The following LMF2 variants were observed in gnomAD, a reference collection of about 807,000 sequenced individuals.
LMF2 encodes the protein transmembrane protein 112B.
In LMF2, 113 loss-of-function variants were observed where a neutral mutation model predicts 81.5. The ratio of observed to expected loss-of-function variants is 1.39; its 90% CI spans 1.19 to 1.62. LMF2 has a LOEUF of 1.62. LMF2 is among the 40% of genes most tolerant of loss of function. The probability of loss-of-function intolerance (pLI) is 0.00; values close to 1 mark genes in which losing one functional copy is unlikely to be tolerated. For missense variants in LMF2, 1,235 were observed against 929.1 expected (o/e 1.33, Z -4.28); for synonymous variants, 645 against 424.5 (o/e 1.52, Z -6.39).
At chr22:50,507,497 G>T (rs1193432412) in intron 1 of LMF2, 85 bp downstream of exon 1, 1 of 1,101,300 alleles carries the variant, frequency 9.1e-7, no homozygotes. Flanking sequence ...TCCCAACCCC[G>T]GACTGCGTGA....
Position 50,503,504 on chromosome 22 carries a change from C to T in LMF2, c.2011G>A (p.Gly671Arg), listed in dbSNP as rs547937790. Reference protein sequence around the residue: ...LRSSPLAPVSGEKRRPASQKD... With the variant: ...LRSSPLAPVSREKRRPASQKD... The stretch of plus-strand genomic sequence containing the variant: ...TGGGAGGCTGGCCTGCGCTTCTCCC[C>T]GCTGACTGGTGCCAGCGGGGAGGAC... The change falls in exon 14 of 14, where the codon GGG becomes AGG. Residue 671 changes from glycine to arginine, a missense_variant. By Grantham distance (125) the Gly-to-Arg change is moderately radical. Transcript: ENST00000474879. The T allele has an allele frequency of 1.0e-5, 16 of 1,582,266 alleles. No individual in the cohort carries two copies. Among genetic ancestry groups the T allele is most frequent in the East Asian group, 4.5e-5 (2 of 44,372 alleles).
rs1020643481 is a variant in LMF2, at chr22:50,506,921, A to C, written c.209T>G (p.Leu70Arg). The C allele has an allele frequency of 2.5e-6, 4 of 1,581,726 alleles. No individual in the cohort carries two copies. In the African/African-American group the frequency reaches 4.0e-5, roughly 16 times the overall value. ...TPTLLWEAPR[L>R]GLDTAQGLEL... The stretch of plus-strand genomic sequence containing the variant: ...CAGGCCCTGGGCCGTGTCCAGCCCC[A>C]GTCTCGGCGCTTCCCACAGCAGCGT... Residue 70 changes from leucine (L) to arginine (R), a missense_variant, in exon 2 of 14, where the codon CTG becomes CGG. By Grantham distance (102) the Leu-to-Arg change is moderately radical (BLOSUM62 -2). Coordinates refer to ENST00000474879, the MANE Select transcript of LMF2 (RefSeq NM_033200.3).
rs1603439227 is a variant in LMF2, at chr22:50,504,691, G to A, written c.1474C>T (p.Arg492Trp). The change falls in exon 11 of 14, where the codon CGG becomes TGG. Residue 492 changes from arginine to tryptophan, a missense_variant. Transcript: ENST00000474879. ...TGGGGCACCACAACCGGGGGCGGCC[G>A]GCTCAGGTTCCCAGGCTTGTACATG... ...EFMYKPGNLS[R>W]PPPVVVPHQP... The A allele has an allele frequency of 1.9e-6, 3 of 1,609,746 alleles. No homozygotes were observed. Among genetic ancestry groups the A allele is most frequent in the Non-Finnish European group, 2.5e-6 (3 of 1,179,388 alleles).
chr22:50,503,536 G>C lies in LMF2; in HGVS notation c.1979C>G (p.Ser660Cys), dbSNP rs548311167. The stretch of plus-strand genomic sequence containing the variant: ...TGGTGCCAGCGGGGAGGACCGGAGA[G>C]AACAGGGTGCTAGCAGGGCTTGCAC... The part of the protein sequence containing the change: ...RFVQALLAPC[S>C]LRSSPLAPVS... Residue 660 changes from serine (S) to cysteine (C), a missense_variant, in exon 14 of 14, where the codon TCT (serine) becomes TGT (cysteine). Transcript: ENST00000474879. 4 of 1,567,556 alleles carry C rather than the reference G, an allele frequency of 2.6e-6. No individual in the cohort carries two copies. In the South Asian group the frequency reaches 4.7e-5, roughly 18 times the overall value.
Position 50,503,448 on chromosome 22 carries a change from G to A in LMF2, c.2067C>T (p.Ala689=). The A allele has an allele frequency of 6.2e-7, 1 of 1,603,996 alleles. No homozygotes were observed. ...QKDSGAASEQ[A]TAAPNPCSSS... is the part of the protein sequence containing the mutation. ...TGGAGCAGGGGTTGGGGGCTGCGGTGGCCTGTTCGGAGGCAGCTCCGGAGT... is the reference window on the plus strand; with the variant it reads ...TGGAGCAGGGGTTGGGGGCTGCGGTAGCCTGTTCGGAGGCAGCTCCGGAGT... The change falls in exon 14 of 14, where the codon GCC becomes GCT. Residue 689 remains alanine (A), a synonymous_variant. Transcript: ENST00000474879.
chr22:50,503,777 A>C, intron 13 of LMF2, 31 bp downstream of exon 13: 1 of 1,595,506 alleles, frequency 6.3e-7, no homozygotes, highest in Non-Finnish European at 8.5e-7. Context: ...CACCCCTGCC[A>C]CCTCCCCCAG....
At chr22:50,503,727 T>TG (rs780147805) in intron 13 of LMF2, 28 bp from the exon 14 acceptor site, 13 of 1,544,162 alleles carry the variant, frequency 8.4e-6, no homozygotes. Context: ...GGAGGGAGGT[T>TG]GGGGAAGTGC....
At chr22:50,507,246 G>T in intron 1 of LMF2, 1 of 755,934 alleles carries the variant, frequency 1.3e-6, no homozygotes, top group Non-Finnish European at 2.1e-6. Context: ...AACTACCTGA[G>T]TCAGGGCCTC....
At position 50,507,583 on chromosome 22, in the gene LMF2, T is replaced by C; in HGVS notation, c.93A>G (p.Pro31=). 1.3e-6 allele frequency: 2 copies of C among 1,560,050 alleles called. No homozygotes were observed. The highest frequency in any genetic ancestry group is 1.7e-6 in the Non-Finnish European group (2 of 1,152,202). The part of the protein sequence containing the change: ...FAFASLYTQI[P]GLYGPEGILP... ...GTGTCCCACCCTGGGTGCCTTCACC[T>C]GGGATTTGCGTGTAGAGGGAAGCGA... Residue 31 remains proline, a splice_region_variant and synonymous_variant, in exon 1 of 14, where the codon CCA becomes CCG. Transcript: ENST00000474879.
At position 50,506,456 on chromosome 22, in the gene LMF2, G is replaced by A. The variant is rs1317557506; in HGVS notation, c.424C>T (p.Pro142Ser). The change falls in exon 4 of 14, where the codon CCG (proline) becomes TCG (serine). Residue 142 changes from proline to serine, a missense_variant. Pro to Ser is a moderately conservative substitution (Grantham distance 74). Transcript: ENST00000474879. ...ETGFLAVLVA[P>S]LRPASHRKEA... Reference sequence around the variant, plus strand: ...TTGCGGTGGGAGGCTGGCCTCAGCGGGGCCACCAGCACGGCCAGGAAGCCA... The same window carrying A: ...TTGCGGTGGGAGGCTGGCCTCAGCGAGGCCACCAGCACGGCCAGGAAGCCA... The A allele has an allele frequency of 1.2e-5, 18 of 1,551,570 alleles. No individual in the cohort carries two copies. Among genetic ancestry groups the A allele is most frequent in the Non-Finnish European group, 1.5e-5 (17 of 1,149,462 alleles).
intron 1 of LMF2, 59 bp downstream of exon 1, chr22:50,507,518 CAGAGA>C (rs2068627048): frequency 7.2e-6 from 9 of 1,254,990 alleles, no homozygotes; most frequent in Non-Finnish European, 9.1e-6. Flanking sequence ...GTGCCGGGCA[CAGAGA>C]AAAGAGGACA....
At chr22:50,506,005 C>T (rs768066612) in intron 5 of LMF2, 30 bp downstream of exon 5, 3 of 1,568,952 alleles carry the variant, frequency 1.9e-6, no homozygotes, top group African/African-American at 1.4e-5. Flanking sequence ...CCCTGTCTGC[C>T]TCTCTCTGAC....
intron 12 of LMF2, 23 bp from the exon 13 acceptor site, chr22:50,503,927 G>A (rs1412317516): frequency 3.1e-6 from 5 of 1,599,572 alleles, no homozygotes; most frequent in East Asian, 2.2e-5. Context: ...CCGATGTTCA[G>A]AAGCTGGAGG....
At position 50,504,967 on chromosome 22, in the gene LMF2, C is replaced by T. The variant is rs761824041; in HGVS notation, c.1272G>A (p.Val424=). 2 of 1,609,358 alleles carry T rather than the reference C, an allele frequency of 1.2e-6. No individual in the cohort carries two copies. Among genetic ancestry groups the T allele is most frequent in the South Asian group, 2.2e-5 (2 of 90,994 alleles). ...FLISLVPYSY[V]EPGTHGRLWT... ...AGAGGCGCCCGTGGGTCCCGGGCTC[C>T]ACGTAGGAGTACGGCACCTGGAGAC... The change falls in exon 10 of 14, where the codon GTG becomes GTA. Residue 424 remains valine, a synonymous_variant. Transcript: ENST00000474879.
Position 50,503,638 on chromosome 22 carries a change from G to C in LMF2, c.1877C>G (p.Thr626Ser). 2 of 1,590,264 alleles carry C rather than the reference G, an allele frequency of 1.3e-6. No homozygotes were observed. Among genetic ancestry groups the C allele is most frequent in the Middle Eastern group, 3.5e-4 (2 of 5,734 alleles). Residue 626 changes from threonine to serine, a missense_variant, in exon 14 of 14, where the codon ACT becomes AGT. Thr to Ser is a moderately conservative substitution (Grantham distance 58). Coordinates refer to ENST00000474879, the MANE Select transcript of LMF2 (RefSeq NM_033200.3). ...CTCCAGGGGAGACAGCTGAGAGCGA[G>C]TCCAGTGGAGGGCCTGGGCCAGGGT... ...NSTLAQALHW[T>S]RSQLSPLEAP...
Position 50,507,576 on chromosome 22 carries a change from C to T in LMF2, c.94+6G>A, listed in dbSNP as rs751969911. The T allele has an allele frequency of 2.6e-6, 4 of 1,556,092 alleles. No individual in the cohort carries two copies. The highest frequency in any genetic ancestry group is 1.2e-5 in the South Asian group (1 of 84,616). ...GCTGGGGGTGTCCCACCCTGGGTGCCTTCACCTGGGATTTGCGTGTAGAGG... is the reference window on the plus strand; with the variant it reads ...GCTGGGGGTGTCCCACCCTGGGTGCTTTCACCTGGGATTTGCGTGTAGAGG... On this transcript the variant is annotated splice_donor_region_variant and intron_variant, in intron 1 of 13. Coordinates refer to ENST00000474879, the MANE Select transcript of LMF2 (RefSeq NM_033200.3).
At chr22:50,505,837 T>A in intron 5 of LMF2, 22 bp from the exon 6 acceptor site, 1 of 1,611,944 alleles carries the variant, frequency 6.2e-7, no homozygotes, top group South Asian at 1.1e-5. Flanking sequence ...CCGCTCTCAG[T>A]GCTCCCGGAG....
chr22:50,506,073 G>A lies in LMF2; in HGVS notation c.736C>T (p.Pro246Ser). ...GCAGCCAAGCGCAGGCGTCGAATGG[G>A]GGCGAAGAACAGGGGCGGCACAGCG... Reference protein sequence around the residue: ...EIAVPPLFFAPIRRLRLAAFY... With the variant: ...EIAVPPLFFASIRRLRLAAFY... The change falls in exon 5 of 14, where the codon CCC (proline) becomes TCC (serine). Residue 246 changes from proline (P) to serine (S), a missense_variant. Transcript: ENST00000474879. 1 of 1,592,346 alleles carries A rather than the reference G, an allele frequency of 6.3e-7. No individual in the cohort carries two copies. Among genetic ancestry groups the A allele is most frequent in the East Asian group, 2.3e-5 (1 of 44,126 alleles).
In LMF2 at chr22:50,505,344, G is replaced by A. The variant is rs1165954437; in HGVS notation, c.1052-10C>T. Reference sequence around the variant, plus strand: ...TGGTGGAAGGTGAAAGCTGGTGGAGGAGGGGGGTGTGAGGACTGGTCCGCC... The same window carrying A: ...TGGTGGAAGGTGAAAGCTGGTGGAGAAGGGGGGTGTGAGGACTGGTCCGCC... On this transcript the variant is annotated splice_polypyrimidine_tract_variant and intron_variant, in intron 7 of 13. Transcript: ENST00000474879. 9.9e-6 allele frequency: 16 copies of A among 1,613,190 alleles called. No individual in the cohort carries two copies. Among genetic ancestry groups the A allele is most frequent in the Non-Finnish European group, 1.4e-5 (16 of 1,180,036 alleles).
Sources: allele counts gnomAD v4.1 joint callset, GRCh38; gene constraint gnomAD v4.1.1; transcripts MANE v1.5; gene names NCBI Gene and HGNC (gene_info 2026-07-23, HGNC 2026-07-21).